SEMA7A: variants seen among roughly 807,000 people sequenced by gnomAD.
SEMA7A encodes the protein semaphorin 7A (JohnMiltonHagen blood group), also known as semaphorin-7A.
SEMA7A carries 21 observed loss-of-function variants against 67.5 expected under a neutral mutation model. That is an observed-to-expected ratio of 0.31 (90% CI 0.22 to 0.45). The LOEUF is 0.45. SEMA7A is among the 20% of genes least tolerant of loss of function. The pLI, the probability that SEMA7A is intolerant of heterozygous loss-of-function variation, is 1.00. For missense variants in SEMA7A, 774 were observed against 908.6 expected, an observed-to-expected ratio of 0.85 and a Z score of 1.90; for synonymous variants, 364 against 368.5, an observed-to-expected ratio of 0.99 and a Z score of 0.14.
At chr15:74,418,649 A>T in intron 2 of SEMA7A, 152 bp downstream of exon 2, 1 of 850,212 alleles carries the variant, frequency 1.2e-6, no homozygotes, top group Middle Eastern at 3.6e-4. Context: ...GACTACCTTT[A>T]GGGAGCCTCC....
In SEMA7A at chr15:74,411,592, T is replaced by C. The variant is rs750692839; in HGVS notation, c.1541A>G (p.Asp514Gly). Residue 514 changes from aspartate to glycine, a missense_variant, in exon 12 of 14, where the codon GAC (aspartate) becomes GGC (glycine). By Grantham distance (94) the Asp-to-Gly change is moderately conservative. Transcript: ENST00000261918. This position sits in a 1 kb window ranked among gnomAD's most constrained non-coding sequence, Gnocchi z 4.4. ...LMSRDPYCGW[D>G]QGRCISIYSS... is the part of the protein sequence containing the mutation. The stretch of plus-strand genomic sequence containing the variant: ...GTAGATGGAGATGCAGCGGCCTTGG[T>C]CCCAGCCGCAGTAGGGGTCTCGGGA... 11 of 1,592,692 alleles carry C rather than the reference T, an allele frequency of 6.9e-6. No homozygotes were observed. In the African/African-American group the frequency reaches 1.5e-4, roughly 21 times the overall value.
intron 1 of SEMA7A, among the ~76,000 whole-genome samples, chr15:74,419,789 G>C (rs1475836280): frequency 6.6e-6 from 1 of 152,186 alleles, no homozygotes; most frequent in Non-Finnish European, 1.5e-5. Context: ...CTGGGACAGG[G>C]GAACCTTCAC....
chr15:74,419,684 C>T lies in SEMA7A; in HGVS notation c.179-732G>A, dbSNP rs146742138. On this transcript the variant is annotated intron_variant, in intron 1 of 13. Coordinates refer to ENST00000261918, the MANE Select transcript of SEMA7A (RefSeq NM_003612.5). ...AGAGCCTGCACTCCTGCCTACCAAG[C>T]TGGACTCTATTCCATGGCCCACTCT... is the stretch of plus-strand genomic sequence containing the variant. 6.9e-3 allele frequency among the ~76,000 whole-genome samples: 1,055 copies of T among 152,312 alleles called. 6 individuals carry two copies. Among genetic ancestry groups the T allele is most frequent in the African/African-American group, 0.018 (756 of 41,558 alleles).
At chr15:74,422,034 G>C (rs2061004599) in intron 1 of SEMA7A, among the ~76,000 whole-genome samples, 1 of 152,200 alleles carries the variant, frequency 6.6e-6, no homozygotes, top group Non-Finnish European at 1.5e-5. Context: ...GCAAAGGTGG[G>C]GAAGGTGGCT....
intron 1 of SEMA7A, among the ~76,000 whole-genome samples, chr15:74,421,676 C>T (rs796851588): frequency 7.9e-5 from 12 of 152,306 alleles, no homozygotes; most frequent in African/African-American, 2.9e-4. Flanking sequence ...CCTCAAAAGG[C>T]CTGATTGTGC....
chr15:74,416,061 A>G, intron 7 of SEMA7A, 76 bp from the exon 8 acceptor site: 1 of 1,445,452 alleles, frequency 6.9e-7, no homozygotes, highest in Non-Finnish European at 9.6e-7. Context: ...AACCACTGCC[A>G]GCAATATCAA....
In SEMA7A at chr15:74,418,271, C is replaced by T. The variant is rs1254534886; in HGVS notation, c.369G>A (p.Lys123=). ...IGSTKGSCLD[K]RDCENYITLL... ...CCATACCCCCTCCCCCACTCACCCG[C>T]TTATCCAGACAGGACCCCTTTGTGG... Residue 123 remains lysine, a synonymous_variant, in exon 3 of 14, where the codon AAG becomes AAA. Transcript: ENST00000261918. 6.2e-7 allele frequency: 1 copy of T among 1,612,596 alleles called. No individual in the cohort carries two copies. The highest frequency in any genetic ancestry group is 2.2e-5 in the East Asian group (1 of 44,868).
chr15:74,411,406 T>C lies in SEMA7A; in HGVS notation c.1578-50A>G. The C allele has an allele frequency of 6.2e-7, 1 of 1,601,178 alleles. No individual in the cohort carries two copies. The highest frequency in any genetic ancestry group is 8.5e-7 in the Non-Finnish European group (1 of 1,171,992). ...ATCAGCAGATACAAGGCTGCAGACCTGACCCTCCTATCCTTACCCCAGTGC... is the reference window on the plus strand; with the variant it reads ...ATCAGCAGATACAAGGCTGCAGACCCGACCCTCCTATCCTTACCCCAGTGC... On this transcript the variant is annotated intron_variant, in intron 12 of 13. Coordinates refer to ENST00000261918, the MANE Select transcript of SEMA7A (RefSeq NM_003612.5). This position sits in a 1 kb window ranked among gnomAD's most constrained non-coding sequence, Gnocchi z 4.4.
At position 74,414,431 on chromosome 15, in the gene SEMA7A, C is replaced by A; in HGVS notation, c.1294+116G>T. On this transcript the variant is annotated intron_variant, in intron 10 of 13. Coordinates refer to ENST00000261918, the MANE Select transcript of SEMA7A (RefSeq NM_003612.5). This position sits in a 1 kb window ranked among gnomAD's most constrained non-coding sequence, Gnocchi z 4.1. ...CACATTAACCCCTGACAACTCCAGT[C>A]ACTCAATTATTCCTTCCACATGTAA... is the stretch of plus-strand genomic sequence containing the variant. The A allele has an allele frequency of 9.2e-7, 1 of 1,088,112 alleles. No individual in the cohort carries two copies. Among genetic ancestry groups the A allele is most frequent in the Non-Finnish European group, 1.4e-6 (1 of 726,772 alleles). The allele number at this position is 1,088,112 out of a possible 1,614,324, so 67.4% of individuals were successfully genotyped here. A position where few individuals can be genotyped will look rare whatever the true frequency, so the allele number is the denominator to read the frequency against.
chr15:74,418,974 G>T (rs2060976938), intron 1 of SEMA7A, 22 bp from the exon 2 acceptor site: 1 of 1,609,336 alleles, frequency 6.2e-7, no homozygotes, highest in African/African-American at 1.3e-5. Flanking sequence ...ACAATTAGTA[G>T]AAACATTGAA....
chr15:74,433,610 C>CT, intron 1 of SEMA7A, 131 bp downstream of exon 1: 1 of 1,273,094 alleles, frequency 7.9e-7, no homozygotes, highest in South Asian at 2.6e-5. Flanking sequence ...ACGCTCCACG[C>CT]GGGGACAGCG....
Position 74,416,792 on chromosome 15 carries a change from C to A in SEMA7A, c.662-78G>T, listed in dbSNP as rs149618738. The A allele has an allele frequency of 2.8e-4, 417 of 1,510,704 alleles. 2 individuals are homozygous for A. In the African/African-American group the frequency reaches 5.3e-3, roughly 19 times the overall value. 93.6% of individuals were successfully genotyped at this position (1,510,704 alleles called of 1,614,324 possible). A position where few individuals can be genotyped will look rare whatever the true frequency, so the allele number is the denominator to read the frequency against. Reference sequence around the variant, plus strand: ...CCATCCCAACCCTGCACACTCTCCTCCCTCCTTCGGGTCTGCACAAACCAT... The same window carrying A: ...CCATCCCAACCCTGCACACTCTCCTACCTCCTTCGGGTCTGCACAAACCAT... On this transcript the variant is annotated intron_variant, in intron 6 of 13. Coordinates refer to ENST00000261918, the MANE Select transcript of SEMA7A (RefSeq NM_003612.5).
At position 74,411,853 on chromosome 15, in the gene SEMA7A, T is replaced by C. The variant is rs374133402; in HGVS notation, c.1422+32A>G. 3 of 1,612,566 alleles carry C rather than the reference T, an allele frequency of 1.9e-6. No homozygotes were observed. In the African/African-American group the frequency reaches 4.0e-5, roughly 22 times the overall value. On this transcript the variant is annotated intron_variant, in intron 11 of 13. Transcript: ENST00000261918. This position sits in a 1 kb window ranked among gnomAD's most constrained non-coding sequence, Gnocchi z 4.4. ...CCTGTCCTCAGCTGCAGTCACTGCATAGCCCATGGGACGCAGTGGGGGAAG... is the reference window on the plus strand; with the variant it reads ...CCTGTCCTCAGCTGCAGTCACTGCACAGCCCATGGGACGCAGTGGGGGAAG...
rs757061691 is a variant in SEMA7A, at chr15:74,410,813, C to T, written c.1812G>A (p.Thr604=). 5.0e-6 allele frequency: 8 copies of T among 1,614,100 alleles called. No individual in the cohort carries two copies. The highest frequency in any genetic ancestry group is 2.7e-5 in the African/African-American group (2 of 74,948). ...PNCILFIENL[T]AQQYGHYFCE... Reference sequence around the variant, plus strand: ...AGAAGTAGTGGCCGTACTGCTGCGCCGTGAGGTTCTCGATGAACAGGATGC... The same window carrying T: ...AGAAGTAGTGGCCGTACTGCTGCGCTGTGAGGTTCTCGATGAACAGGATGC... The change falls in exon 14 of 14, where the codon ACG becomes ACA. Residue 604 remains threonine (T), a synonymous_variant. Coordinates refer to ENST00000261918, the MANE Select transcript of SEMA7A (RefSeq NM_003612.5). The surrounding 1 kb of genome is among the most constrained non-coding windows in gnomAD (Gnocchi z 7.5).
chr15:74,423,848 G>C lies in SEMA7A; in HGVS notation c.179-4896C>G, dbSNP rs2061020695. The stretch of plus-strand genomic sequence containing the variant: ...GCCAGGAAGAGGGTGTGAGAAGCCT[G>C]GTTTCCAGGGTGGCACCGGCTCGGT... On this transcript the variant is annotated intron_variant, in intron 1 of 13. Coordinates refer to ENST00000261918, the MANE Select transcript of SEMA7A (RefSeq NM_003612.5). The surrounding 1 kb of genome is among the most constrained non-coding windows in gnomAD (Gnocchi z 4.1). Among the ~76,000 whole-genome samples the C allele has an allele frequency of 6.6e-6, 1 of 152,218 alleles. No individual in the cohort carries two copies. The highest frequency in any genetic ancestry group is 1.5e-5 in the Non-Finnish European group (1 of 68,040).
At chr15:74,415,302 C>G (rs190857985) in intron 8 of SEMA7A, among the ~76,000 whole-genome samples, 2 of 152,084 alleles carry the variant, frequency 1.3e-5, no homozygotes, top group Non-Finnish European at 2.9e-5. Context: ...GCCTGGGGGA[C>G]CCCACTCACC....
At chr15:74,413,234 C>T (rs1742776715) in intron 10 of SEMA7A, among the ~76,000 whole-genome samples, 2 of 152,364 alleles carry the variant, frequency 1.3e-5, no homozygotes, top group African/African-American at 2.4e-5. Context: ...AAACCAGCCC[C>T]AGTAACAGCA....
chr15:74,426,540 C>T (rs28362885), intron 1 of SEMA7A, among the ~76,000 whole-genome samples: 13,665 of 152,188 alleles, frequency 0.09, 986 homozygotes, highest in African/African-American at 0.2. Context: ...GGAATCTTCT[C>T]GAGGTGCAGC....
intron 1 of SEMA7A, among the ~76,000 whole-genome samples, chr15:74,426,913 A>T (rs2061048352): frequency 6.6e-6 from 1 of 152,140 alleles, no homozygotes; most frequent in African/African-American, 2.4e-5. Context: ...ATGGCTCCTA[A>T]CTGCCCATCC....
Sources: allele counts gnomAD v4.1 joint callset (sites outside exome capture counted in the v4.1 genomes callset), GRCh38; gene constraint gnomAD v4.1.1; non-coding constraint Gnocchi (gnomAD v3.1); transcripts MANE v1.5; gene names NCBI Gene and HGNC (gene_info 2026-07-23, HGNC 2026-07-21).